The following GPC5 variants were observed in gnomAD, a reference collection of about 807,000 sequenced individuals.
GPC5 encodes glypican-5.
GPC5 carries 47 observed loss-of-function variants against 53.9 expected under a neutral mutation model. The observed-to-expected ratio is 0.87, with a 90% CI of 0.69 to 1.11. The LOEUF (loss-of-function observed/expected upper bound fraction) is 1.11. Ranked by LOEUF, GPC5 falls within the 50% of genes most tolerant of loss-of-function variation. The probability of loss-of-function intolerance (pLI) is 0.00; values close to 1 mark genes in which losing one functional copy is unlikely to be tolerated. For synonymous variants in GPC5, 286 were observed against 263.3 expected, an observed-to-expected ratio of 1.09 and a Z score of -0.84; for missense variants, 748 against 713.1, an observed-to-expected ratio of 1.05 and a Z score of -0.56.
At chr13:91,934,001 C>T (rs1309729693) in intron 6 of GPC5, among the ~76,000 whole-genome samples, 1 of 151,850 alleles carries the variant, frequency 6.6e-6, no homozygotes, top group Non-Finnish European at 1.5e-5. Context: ...TGGATATGTC[C>T]TCTCAAATAC....
intron 2 of GPC5, among the ~76,000 whole-genome samples, chr13:91,457,566 G>A (rs751134091): frequency 3.3e-5 from 5 of 152,032 alleles, no homozygotes; most frequent in Non-Finnish European, 5.9e-5. Context: ...ATGTGCATAG[G>A]GACAATGCAC....
chr13:91,650,522 A>C (rs2034673729), intron 2 of GPC5, among the ~76,000 whole-genome samples: 1 of 149,950 alleles, frequency 6.7e-6, no homozygotes, highest in South Asian at 2.1e-4. Context: ...TTATGTAGAA[A>C]AACAAAACAA....
chr13:92,109,586 G>A (rs1362343420), intron 6 of GPC5, among the ~76,000 whole-genome samples: 5 of 152,080 alleles, frequency 3.3e-5, no homozygotes. Context: ...ACTTATAGAA[G>A]CCAGGGTTAT....
At chr13:92,509,121 A>C (rs1012602416) in intron 7 of GPC5, among the ~76,000 whole-genome samples, 3 of 152,200 alleles carry the variant, frequency 2.0e-5, no homozygotes, top group Non-Finnish European at 4.4e-5. Flanking sequence ...GTAATAGAAT[A>C]GTTTGATGTG....
intron 5 of GPC5, among the ~76,000 whole-genome samples, chr13:91,831,914 G>T (rs958484416): frequency 6.6e-6 from 1 of 151,974 alleles, no homozygotes; most frequent in Non-Finnish European, 1.5e-5. Context: ...GGGATGAGGT[G>T]CTGAGAATTA....
intron 1 of GPC5, among the ~76,000 whole-genome samples, chr13:91,410,045 A>C (rs1436683152): frequency 6.6e-6 from 1 of 152,182 alleles, no homozygotes. Context: ...ATAACGATGA[A>C]TTTGTAGTTT....
At chr13:92,004,683 A>C (rs2040590893) in intron 6 of GPC5, among the ~76,000 whole-genome samples, 1 of 151,738 alleles carries the variant, frequency 6.6e-6, no homozygotes, top group South Asian at 2.1e-4. Flanking sequence ...AAAGAGGTTT[A>C]ATGGACTCAG....
At chr13:92,789,350 G>A (rs1566419329) in intron 7 of GPC5, among the ~76,000 whole-genome samples, 1 of 152,172 alleles carries the variant, frequency 6.6e-6, no homozygotes, top group African/African-American at 2.4e-5. Context: ...AATTGAAAAT[G>A]TTTATCTTGA....
intron 7 of GPC5, among the ~76,000 whole-genome samples, chr13:92,345,810 G>T (rs1361853071): frequency 6.6e-6 from 1 of 152,044 alleles, no homozygotes; most frequent in South Asian, 2.1e-4. Flanking sequence ...GAACAATGGG[G>T]CTAAAGGCAT....
chr13:91,782,669 G>A (rs2037816768), intron 5 of GPC5, among the ~76,000 whole-genome samples: 1 of 152,072 alleles, frequency 6.6e-6, no homozygotes, highest in African/African-American at 2.4e-5. Flanking sequence ...TTAATTTTGT[G>A]TACCTAATTT....
At chr13:92,742,454 T>A (rs1889129263) in intron 7 of GPC5, among the ~76,000 whole-genome samples, 1 of 151,956 alleles carries the variant, frequency 6.6e-6, no homozygotes, top group Non-Finnish European at 1.5e-5. Flanking sequence ...CTTGTAAATT[T>A]GAGTTCTTTG....
intron 7 of GPC5, among the ~76,000 whole-genome samples, chr13:92,397,967 C>T (rs1456195430): frequency 2.0e-5 from 3 of 152,084 alleles, no homozygotes; most frequent in Non-Finnish European, 4.4e-5. Flanking sequence ...TTTGTGCAGT[C>T]ACCATTTCAG....
chr13:91,988,418 A>G (rs9589388), intron 6 of GPC5, among the ~76,000 whole-genome samples: 9,972 of 152,238 alleles, frequency 0.066, 1,119 homozygotes, highest in African/African-American at 0.22. Flanking sequence ...TCTTTGATCC[A>G]AAACACTCTT....
intron 7 of GPC5, among the ~76,000 whole-genome samples, chr13:92,438,383 AATATATAT>A (rs66984887): frequency 3.2e-5 from 4 of 123,740 alleles, no homozygotes; most frequent in Non-Finnish European, 3.3e-5. Context: ...AAGCAAAATA[AATATATAT>A]ATATATATAT....
At chr13:92,031,844 CATATTATATATAATATAT>C (rs1297990220) in intron 6 of GPC5, among the ~76,000 whole-genome samples, 1 of 52,398 alleles carries the variant, frequency 1.9e-5, no homozygotes, top group African/African-American at 7.3e-5. Flanking sequence ...TAATATATTA[CATATTATATATAATATAT>C]ATATTATATA....
intron 5 of GPC5, among the ~76,000 whole-genome samples, chr13:91,799,635 T>A (rs1396744040): frequency 1.3e-5 from 2 of 152,194 alleles, no homozygotes; most frequent in Non-Finnish European, 2.9e-5. Context: ...TATCGTAGAA[T>A]CTATATTAAT....
chr13:91,910,588 A>T (rs1277785164), intron 6 of GPC5, among the ~76,000 whole-genome samples: 1 of 152,186 alleles, frequency 6.6e-6, no homozygotes, highest in African/African-American at 2.4e-5. Context: ...AATAGCAAAA[A>T]TTGCCTGCAT....
chr13:91,877,797 T>C lies in GPC5; in HGVS notation c.1281-30140T>C, dbSNP rs193167691. Among the ~76,000 whole-genome samples the C allele has an allele frequency of 4.3e-3, 653 of 152,184 alleles. 2 individuals carry two copies. The highest frequency in any genetic ancestry group is 0.015 in the African/African-American group (629 of 41,518). On this transcript the variant is annotated intron_variant, in intron 5 of 7. Transcript: ENST00000377067. ...AGGGGCCAGAGGTGGAATGATATGG[T>C]TTGGCTGTGTCCCTACCCAAATCTC... is the stretch of plus-strand genomic sequence containing the variant.
chr13:92,025,936 C>A (rs1555305344), intron 6 of GPC5, among the ~76,000 whole-genome samples: 1 of 151,970 alleles, frequency 6.6e-6, no homozygotes, highest in Non-Finnish European at 1.5e-5. Flanking sequence ...TGTTTTGAAT[C>A]AAAATTGGTG....
Sources: gnomAD v4.1 joint callset for allele counts (sites outside exome capture counted in the v4.1 genomes callset) on GRCh38, gnomAD v4.1.1 for gene constraint, MANE v1.5 for transcripts, NCBI Gene and HGNC (gene_info 2026-07-23, HGNC 2026-07-21) for gene names.